The following SH3GLB1 variants were observed in gnomAD, a reference collection of about 807,000 sequenced individuals.
The protein encoded by SH3GLB1 is SH3 domain containing GRB2 like, endophilin B1, also known as endophilin-B1.
SH3GLB1 carries 17 observed loss-of-function variants against 42.0 expected under a neutral mutation model. The ratio of observed to expected loss-of-function variants is 0.40; its 90% CI spans 0.28 to 0.61. The LOEUF is 0.61. Ranked by LOEUF, SH3GLB1 falls within the 20% of genes least tolerant of loss-of-function variation. SH3GLB1 has a pLI of 0.36. For synonymous variants in SH3GLB1, 132 were observed against 146.6 expected, an observed-to-expected ratio of 0.90 and a Z score of 0.72; for missense variants, 355 against 426.3, an observed-to-expected ratio of 0.83 and a Z score of 1.47.
At chr1:86,740,244 T>G (rs1351731855) in intron 7 of SH3GLB1, among the ~76,000 whole-genome samples, 1 of 152,120 alleles carries the variant, frequency 6.6e-6, no homozygotes, top group Non-Finnish European at 1.5e-5. Flanking sequence ...TGGGGAGAAC[T>G]GCTGAAATTT....
chr1:86,736,913 C>A (rs950736138), intron 7 of SH3GLB1, among the ~76,000 whole-genome samples: 1 of 152,202 alleles, frequency 6.6e-6, no homozygotes, highest in Admixed American at 6.5e-5. Context: ...CAGCTTCACA[C>A]TAACACATTC....
At chr1:86,718,781 T>G (rs1434005883) in intron 2 of SH3GLB1, among the ~76,000 whole-genome samples, 1 of 152,268 alleles carries the variant, frequency 6.6e-6, no homozygotes, top group Non-Finnish European at 1.5e-5. Flanking sequence ...GCTAACCAAG[T>G]GTTTATTCAG....
chr1:86,705,105 G>GGC (rs1318682813), intron 1 of SH3GLB1, 134 bp downstream of exon 1: 16 of 562,094 alleles, frequency 2.8e-5, no homozygotes, highest in Middle Eastern at 4.7e-4. Flanking sequence ...CTGGGAGATG[G>GGC]GCGCGGCCTG....
intron 2 of SH3GLB1, among the ~76,000 whole-genome samples, chr1:86,717,532 G>A (rs558542611): frequency 6.6e-6 from 1 of 152,026 alleles, no homozygotes; most frequent in Non-Finnish European, 1.5e-5. Flanking sequence ...CGATTTTCCT[G>A]CCTCTGCCTG....
intron 4 of SH3GLB1, among the ~76,000 whole-genome samples, chr1:86,723,882 GT>G (rs1655008320): frequency 6.6e-6 from 1 of 152,136 alleles, no homozygotes; most frequent in African/African-American, 2.4e-5. Flanking sequence ...CACTAATGAC[GT>G]TTTGGGCTGC....
rs114006993 is a variant in SH3GLB1 at position 86,744,466 on chromosome 1, G to C, written c.*1231G>C. ...CAATTATCCTATAGTAGGATTCGTG[G>C]TGTGATGGGGAAAATACAAGGTACT... On this transcript the variant is annotated 3_prime_UTR_variant, in exon 9 of 9. Transcript: ENST00000370558. The C allele has an allele frequency of 6.6e-6, 1 of 152,172 alleles. No homozygotes were observed. The highest frequency in any genetic ancestry group is 6.5e-5 in the Admixed American group (1 of 15,274). The allele number at this position is 152,172 out of a possible 1,614,324, so 9.4% of individuals were successfully genotyped here. A position where few individuals can be genotyped will look rare whatever the true frequency, so the allele number is the denominator to read the frequency against.
intron 5 of SH3GLB1, chr1:86,728,348 G>T: frequency 1.2e-6 from 1 of 807,998 alleles, no homozygotes. Flanking sequence ...GAAGTAATTT[G>T]TTTCACTGTG....
At chr1:86,707,746 T>C (rs1485888313) in intron 1 of SH3GLB1, among the ~76,000 whole-genome samples, 1 of 151,434 alleles carries the variant, frequency 6.6e-6, no homozygotes, top group Non-Finnish European at 1.5e-5. Flanking sequence ...CCTCCCCGAT[T>C]CAAGCCAATC....
chr1:86,725,488 A>T (rs1378666378), intron 5 of SH3GLB1, among the ~76,000 whole-genome samples: 1 of 152,186 alleles, frequency 6.6e-6, no homozygotes, highest in Non-Finnish European at 1.5e-5. Context: ...ATTTGAAAAT[A>T]TCAGATTTGA....
chr1:86,720,963 T>C (rs1466801516), intron 3 of SH3GLB1, among the ~76,000 whole-genome samples: 1 of 152,226 alleles, frequency 6.6e-6, no homozygotes, highest in African/African-American at 2.4e-5. Flanking sequence ...TGTTATACAT[T>C]AAACAGATGT....
chr1:86,727,564 A>G (rs909397237), intron 5 of SH3GLB1, among the ~76,000 whole-genome samples: 3 of 152,036 alleles, frequency 2.0e-5, no homozygotes, highest in Admixed American at 6.6e-5. Context: ...TAATGCAAAT[A>G]TTCCAAAACC....
At chr1:86,732,609 T>C (rs145793134) in intron 5 of SH3GLB1, among the ~76,000 whole-genome samples, 381 of 152,294 alleles carry the variant, frequency 2.5e-3, no homozygotes, top group Non-Finnish European at 4.5e-3. Flanking sequence ...TCATCTACCC[T>C]CTCTAAAGTC....
In SH3GLB1 at chr1:86,746,654, G is replaced by C. The variant is rs1656314425; in HGVS notation, c.*3419G>C. On this transcript the variant is annotated 3_prime_UTR_variant, in exon 9 of 9. Coordinates refer to ENST00000370558, the MANE Select transcript of SH3GLB1 (RefSeq NM_016009.5). ...AGGCTGAGGCGGGTGGATCATCTGA[G>C]GTCAGGAGTTCGAGACCAGCCTGGC... The C allele has an allele frequency of 6.6e-6, 1 of 152,300 alleles. No homozygotes were observed. The highest frequency in any genetic ancestry group is 2.1e-4 in the South Asian group (1 of 4,824). 9.4% of individuals were successfully genotyped at this position (152,300 alleles called of 1,614,324 possible). A position where few individuals can be genotyped will look rare whatever the true frequency, so the allele number is the denominator to read the frequency against.
intron 5 of SH3GLB1, among the ~76,000 whole-genome samples, chr1:86,726,012 A>G (rs927555272): frequency 1.3e-5 from 2 of 152,250 alleles, no homozygotes; most frequent in African/African-American, 2.4e-5. Context: ...AATGAACACT[A>G]TAGATAGCAG....
At chr1:86,731,051 CT>C (rs1484913895) in intron 5 of SH3GLB1, among the ~76,000 whole-genome samples, 2 of 152,170 alleles carry the variant, frequency 1.3e-5, no homozygotes, top group Admixed American at 6.5e-5. Flanking sequence ...CTTCTAGAAG[CT>C]GTCTGTATGA....
chr1:86,721,223 T>C (rs905952429), intron 3 of SH3GLB1, among the ~76,000 whole-genome samples: 1 of 152,198 alleles, frequency 6.6e-6, no homozygotes, highest in African/African-American at 2.4e-5. Flanking sequence ...TAATTAATAC[T>C]AAAAATTGAG....
At chr1:86,740,049 G>A (rs999995845) in intron 7 of SH3GLB1, among the ~76,000 whole-genome samples, 11 of 152,120 alleles carry the variant, frequency 7.2e-5, no homozygotes, top group Non-Finnish European at 1.5e-4. Flanking sequence ...AGGAAGCTGA[G>A]GCGAGAGAAT....
intron 1 of SH3GLB1, among the ~76,000 whole-genome samples, chr1:86,708,806 A>G (rs1410745006): frequency 6.6e-6 from 1 of 152,184 alleles, no homozygotes; most frequent in Non-Finnish European, 1.5e-5. Flanking sequence ...ATACTCCCTT[A>G]CAATCTGGTC....
chr1:86,709,308 A>G (rs1018964858), intron 1 of SH3GLB1, among the ~76,000 whole-genome samples: 1 of 152,214 alleles, frequency 6.6e-6, no homozygotes, highest in Non-Finnish European at 1.5e-5. Context: ...TACCATCCAT[A>G]TGTGAAGTTT....
Sources: allele counts gnomAD v4.1 joint callset (sites outside exome capture counted in the v4.1 genomes callset), GRCh38; gene constraint gnomAD v4.1.1; transcripts MANE v1.5; gene names NCBI Gene and HGNC (gene_info 2026-07-23, HGNC 2026-07-21).